RAI1: variants seen among roughly 807,000 people sequenced by gnomAD.
RAI1 encodes retinoic acid induced 1.
Under a neutral mutation model 123.8 loss-of-function variants are expected in RAI1, and 9 were observed. The observed-to-expected ratio is 0.07, with a 90% CI of 0.04 to 0.13. The LOEUF (loss-of-function observed/expected upper bound fraction) is 0.13, where lower values mean the gene tolerates loss of function less well. Ranked by LOEUF, RAI1 falls within the 10% of genes least tolerant of loss-of-function variation. The probability of loss-of-function intolerance (pLI) is 1.00; values close to 1 mark genes in which losing one functional copy is unlikely to be tolerated. For synonymous variants in RAI1, 1,231 were observed against 1,127.3 expected (o/e 1.09, Z -1.84); for missense variants, 2,256 against 2,545.8 (o/e 0.89, Z 2.45).
Position 17,775,240 on chromosome 17 carries a change from A to G in RAI1, c.-16-17693A>G, listed in dbSNP as rs182303833. Reference sequence around the variant, plus strand: ...TTTTTTTGAGACAGGGTCTTGCTCTATTGCCTGAGTTGGAGTGCGGTGGCA... The same window carrying G: ...TTTTTTTGAGACAGGGTCTTGCTCTGTTGCCTGAGTTGGAGTGCGGTGGCA... On this transcript the variant is annotated intron_variant, in intron 2 of 5. Transcript: ENST00000353383. Among the ~76,000 whole-genome samples the G allele has an allele frequency of 2.8e-3, 358 of 127,634 alleles. 1 individual carries two copies. Among genetic ancestry groups the G allele is most frequent in the African/African-American group, 8.2e-3 (278 of 33,752 alleles). The allele number at this position is 127,634 out of a possible 152,430, so 83.7% of individuals were successfully genotyped here.
chr17:17,684,680 A>G, intron 1 of RAI1: 1 of 43,966 alleles, frequency 2.3e-5, no homozygotes, highest in Non-Finnish European at 6.5e-5. Flanking sequence ...GCATATATAT[A>G]TATATATATA....
rs2032771873 is a variant in RAI1, at chr17:17,811,150, C to T, written c.*1169C>T. 3.5e-6 allele frequency: 1 copy of T among 283,482 alleles called. No individual in the cohort carries two copies. The highest frequency in any genetic ancestry group is 7.0e-6 in the Non-Finnish European group (1 of 143,692). 17.6% of individuals were successfully genotyped at this position (283,482 alleles called of 1,614,324 possible). ...GCTTCGATAGGCCTGACGCAGCCCC[C>T]AGCCCAGGGCCGCCCTAGCAACTTC... On this transcript the variant is annotated 3_prime_UTR_variant, in exon 6 of 6. Coordinates refer to ENST00000353383, the MANE Select transcript of RAI1 (RefSeq NM_030665.4).
chr17:17,806,047 C>T (rs1251348179), intron 4 of RAI1, among the ~76,000 whole-genome samples: 2 of 152,254 alleles, frequency 1.3e-5, no homozygotes, highest in East Asian at 3.8e-4. Flanking sequence ...CAGCACTGCC[C>T]AGCCCCCCAA....
intron 2 of RAI1, among the ~76,000 whole-genome samples, chr17:17,724,762 GC>G (rs1253232403): frequency 1.3e-5 from 2 of 152,142 alleles, no homozygotes; most frequent in African/African-American, 4.8e-5. Context: ...GGCCGCTGCG[GC>G]CCCTCCTCGC....
intron 1 of RAI1, chr17:17,683,718 C>T (rs896482469): frequency 6.6e-6 from 1 of 152,210 alleles, no homozygotes; most frequent in Non-Finnish European, 1.5e-5. Flanking sequence ...GATCCAGGCC[C>T]CAGAAGCCAA....
chr17:17,805,970 C>T lies in RAI1; in HGVS notation c.5659+2121C>T, dbSNP rs78615626. On this transcript the variant is annotated intron_variant, in intron 4 of 5. Coordinates refer to ENST00000353383, the MANE Select transcript of RAI1 (RefSeq NM_030665.4). Reference sequence around the variant, plus strand: ...GCCTCACCCACAGCACACAGCATGGCGTGGACAGTCCCAGGACTTAATGCC... The same window carrying T: ...GCCTCACCCACAGCACACAGCATGGTGTGGACAGTCCCAGGACTTAATGCC... 8.6e-3 allele frequency among the ~76,000 whole-genome samples: 1,316 copies of T among 152,352 alleles called. 22 individuals carry two copies. The highest frequency in any genetic ancestry group is 0.03 in the African/African-American group (1,241 of 41,580).
intron 1 of RAI1, among the ~76,000 whole-genome samples, chr17:17,699,896 G>T (rs1328991321): frequency 1.3e-5 from 2 of 152,188 alleles, no homozygotes; most frequent in Non-Finnish European, 2.9e-5. Context: ...CCAGCCTCAG[G>T]AGCCAGACTG....
intron 1 of RAI1, chr17:17,684,844 A>C (rs1914577154): frequency 6.6e-6 from 1 of 151,814 alleles, no homozygotes; most frequent in African/African-American, 2.4e-5. Flanking sequence ...TTGTGTGGCG[A>C]AGTCCTTCAG....
chr17:17,723,626 G>A (rs1915963602), intron 1 of RAI1, among the ~76,000 whole-genome samples: 1 of 143,432 alleles, frequency 7.0e-6, no homozygotes. Flanking sequence ...GCGTCTCCCC[G>A]GCGCCCCCTC....
At chr17:17,757,310 G>A (rs2030476543) in intron 2 of RAI1, among the ~76,000 whole-genome samples, 1 of 152,238 alleles carries the variant, frequency 6.6e-6, no homozygotes, top group African/African-American at 2.4e-5. Flanking sequence ...AGGCCAAGGT[G>A]GGTTTGCGGA....
At chr17:17,723,378 A>C (rs1915951979) in intron 1 of RAI1, among the ~76,000 whole-genome samples, 1 of 141,754 alleles carries the variant, frequency 7.1e-6, no homozygotes, top group Admixed American at 7.4e-5. Context: ...CTCGTAGGAC[A>C]GACCAGAAAT....
At chr17:17,727,343 G>C (rs79123926) in intron 2 of RAI1, among the ~76,000 whole-genome samples, 1 of 152,370 alleles carries the variant, frequency 6.6e-6, no homozygotes, top group African/African-American at 2.4e-5. Context: ...ATGCAGCAGC[G>C]AAGACCCAGC....
chr17:17,711,660 G>A (rs567207026), intron 1 of RAI1, among the ~76,000 whole-genome samples: 1 of 152,338 alleles, frequency 6.6e-6, no homozygotes, highest in South Asian at 2.1e-4. Flanking sequence ...TCACGTAAAG[G>A]AACAGTGGCT....
rs377730234 is a variant in RAI1, at chr17:17,796,611, G to A, written c.3663G>A (p.Ala1221=). The A allele has an allele frequency of 1.2e-5, 20 of 1,612,080 alleles. No individual in the cohort carries two copies. The highest frequency in any genetic ancestry group is 2.2e-5 in the East Asian group (1 of 44,870). The part of the protein sequence containing the change: ...GSKLSDRPLH[A]LKRKSAFMAP... ...AGCTCTCTGACCGGCCCCTCCATGC[G>A]CTCAAAAGGAAGTCGGCCTTCATGG... Residue 1221 remains alanine (A), a synonymous_variant, in exon 3 of 6, where the codon GCG becomes GCA. Coordinates refer to ENST00000353383, the MANE Select transcript of RAI1 (RefSeq NM_030665.4). This position sits in a 1 kb window ranked among gnomAD's most constrained non-coding sequence, Gnocchi z 5.8.
chr17:17,747,765 T>C (rs770830496), intron 2 of RAI1, among the ~76,000 whole-genome samples: 6 of 152,004 alleles, frequency 3.9e-5, no homozygotes, highest in Non-Finnish European at 8.8e-5. Context: ...TGAAAAGATA[T>C]CTCAAAAGGG....
intron 1 of RAI1, among the ~76,000 whole-genome samples, chr17:17,686,606 T>TGAGCGCGC (rs1433996407): frequency 3.6e-5 from 5 of 137,258 alleles, no homozygotes; most frequent in African/African-American, 1.5e-4. Context: ...TGTGTGTGTG[T>TGAGCGCGC]GTGCACGCGC....
At chr17:17,804,013 G>T in intron 4 of RAI1, 164 bp downstream of exon 4, 2 of 759,316 alleles carry the variant, frequency 2.6e-6, no homozygotes, top group Non-Finnish European at 4.7e-6. Context: ...CTAGACCTCT[G>T]CTGGGCAATG....
intron 2 of RAI1, among the ~76,000 whole-genome samples, chr17:17,785,319 G>A (rs1453210427): frequency 6.6e-6 from 1 of 152,168 alleles, no homozygotes; most frequent in Non-Finnish European, 1.5e-5. Context: ...TGTGTTGGGG[G>A]TTAAATGCAC....
chr17:17,786,581 A>G (rs1026508178), intron 2 of RAI1, among the ~76,000 whole-genome samples: 4 of 152,254 alleles, frequency 2.6e-5, no homozygotes, highest in Non-Finnish European at 5.9e-5. Flanking sequence ...GAGCCAGGGT[A>G]GAAGCTGTGT....
Sources: allele counts gnomAD v4.1 joint callset (sites outside exome capture counted in the v4.1 genomes callset), GRCh38; gene constraint gnomAD v4.1.1; non-coding constraint Gnocchi (gnomAD v3.1); transcripts MANE v1.5; gene names NCBI Gene and HGNC (gene_info 2026-07-23, HGNC 2026-07-21).